The following PCDH15 variants were observed in gnomAD, a reference collection of about 807,000 sequenced individuals.
The protein encoded by PCDH15 is protocadherin-15.
PCDH15 carries 129 observed loss-of-function variants against 178.5 expected under a neutral mutation model. That is an observed-to-expected ratio of 0.72 (90% confidence interval 0.63 to 0.84). PCDH15 has a LOEUF of 0.84. Among genes scored for constraint, PCDH15 ranks in the 40% least tolerant of loss-of-function variants. The pLI, the probability that PCDH15 is intolerant of heterozygous loss-of-function variation, is 0.00. For synonymous variants in PCDH15, 800 were observed against 732.0 expected (o/e 1.09, Z -1.50); for missense variants, 2,230 against 2,099.9 (o/e 1.06, Z -1.21).
intron 2 of PCDH15, among the ~76,000 whole-genome samples, chr10:55,327,782 G>A (rs1456928782): frequency 6.6e-6 from 1 of 151,974 alleles, no homozygotes; most frequent in Non-Finnish European, 1.5e-5. Flanking sequence ...GGAAACTAAA[G>A]CCATGATATG....
At chr10:54,618,696 C>G (rs530984966) in intron 2 of PCDH15, among the ~76,000 whole-genome samples, 3 of 151,928 alleles carry the variant, frequency 2.0e-5, no homozygotes, top group Non-Finnish European at 4.4e-5. Context: ...ATGTGGGCAC[C>G]AGTGGAGCAA....
intron 2 of PCDH15, among the ~76,000 whole-genome samples, chr10:55,607,210 AC>A (rs1391845502): frequency 7.0e-6 from 1 of 143,810 alleles, no homozygotes; most frequent in Non-Finnish European, 1.5e-5. Context: ...ACCATCTCAC[AC>A]CAGTTAGAAT....
At chr10:54,722,787 T>A (rs933172749) in intron 1 of PCDH15, among the ~76,000 whole-genome samples, 4 of 151,598 alleles carry the variant, frequency 2.6e-5, no homozygotes, top group Admixed American at 6.6e-5. Context: ...TCAATCTCAT[T>A]TAAAATAGCT....
chr10:54,222,182 G>C (rs1044256044), intron 9 of PCDH15, among the ~76,000 whole-genome samples: 2 of 152,150 alleles, frequency 1.3e-5, no homozygotes, highest in African/African-American at 2.4e-5. Flanking sequence ...GAGTGGAATG[G>C]CTAGGCCATA....
rs115013828 is a variant in PCDH15 at position 54,066,459 on chromosome 10, A to G, written c.2220+298T>C. Reference sequence around the variant, plus strand: ...TGTCCACATCCATACCTAGTAGTATACCTAATTACATGTTTCTGTAAAATG... The same window carrying G: ...TGTCCACATCCATACCTAGTAGTATGCCTAATTACATGTTTCTGTAAAATG... On this transcript the variant is annotated intron_variant, in intron 18 of 37. Transcript: ENST00000644397. Among the ~76,000 whole-genome samples, 1,726 of 152,328 alleles carry G rather than the reference A, an allele frequency of 0.011. 39 individuals carry two copies. Among genetic ancestry groups the G allele is most frequent in the African/African-American group, 0.04 (1,642 of 41,554 alleles).
chr10:54,816,162 C>T (rs1461042722), intron 3 of PCDH15, among the ~76,000 whole-genome samples: 1 of 151,948 alleles, frequency 6.6e-6, no homozygotes, highest in African/African-American at 2.4e-5. Context: ...ATGTAATTCT[C>T]AACATTATAT....
In PCDH15 at chr10:54,416,552, A is replaced by T. The variant is rs192422649; in HGVS notation, c.158-37610T>A. On this transcript the variant is annotated intron_variant, in intron 3 of 37. Coordinates refer to ENST00000644397, the MANE Select transcript of PCDH15 (RefSeq NM_001384140.1). ...GATAGACATTTGGGTTTGTTCCATGACTTTGCTATTGTAAATAGTGCTGCA... is the reference window on the plus strand; with the variant it reads ...GATAGACATTTGGGTTTGTTCCATGTCTTTGCTATTGTAAATAGTGCTGCA... Among the ~76,000 whole-genome samples, 5 of 152,178 alleles carry T rather than the reference A, an allele frequency of 3.3e-5. No homozygotes were observed. The East Asian group carries it at 9.7e-4, about 29-fold the overall frequency.
chr10:54,953,059 C>A (rs975432687), intron 2 of PCDH15, among the ~76,000 whole-genome samples: 4 of 151,548 alleles, frequency 2.6e-5, no homozygotes, highest in Admixed American at 6.6e-5. Flanking sequence ...GATATTCTTA[C>A]CTTGCTCTTC....
intron 8 of PCDH15, among the ~76,000 whole-genome samples, chr10:54,312,521 G>A (rs533080921): frequency 6.6e-6 from 1 of 152,134 alleles, no homozygotes; most frequent in East Asian, 1.9e-4. Flanking sequence ...AAATTCCATA[G>A]CTAATTTATG....
At chr10:54,503,707 G>GA (rs2080924126) in intron 3 of PCDH15, among the ~76,000 whole-genome samples, 1 of 151,928 alleles carries the variant, frequency 6.6e-6, no homozygotes, top group South Asian at 2.1e-4. Context: ...ACTTGACATT[G>GA]AAAGTTAACC....
At chr10:54,030,957 G>C (rs2093274657) in intron 18 of PCDH15, among the ~76,000 whole-genome samples, 2 of 151,960 alleles carry the variant, frequency 1.3e-5, no homozygotes, top group Admixed American at 6.6e-5. Flanking sequence ...GAAGCTAAAG[G>C]AGCAGGCTTC....
At chr10:55,035,115 AT>A (rs1464437874) in intron 2 of PCDH15, among the ~76,000 whole-genome samples, 2 of 152,216 alleles carry the variant, frequency 1.3e-5, no homozygotes, top group Non-Finnish European at 2.9e-5. Flanking sequence ...AACATAGGGA[AT>A]CTTAATATAA....
At chr10:54,806,973 A>G (rs1348974802) in intron 3 of PCDH15, among the ~76,000 whole-genome samples, 2 of 152,200 alleles carry the variant, frequency 1.3e-5, no homozygotes, top group Admixed American at 1.3e-4. Flanking sequence ...TTGCAACGTA[A>G]TCGCAGGACT....
chr10:54,365,860 A>C (rs888542405), intron 5 of PCDH15, among the ~76,000 whole-genome samples: 2 of 152,166 alleles, frequency 1.3e-5, no homozygotes, highest in Admixed American at 6.6e-5. Context: ...TAGATAGAGG[A>C]ATTAATAATG....
chr10:55,402,935 C>T (rs1252969475), intron 2 of PCDH15, among the ~76,000 whole-genome samples: 1 of 151,902 alleles, frequency 6.6e-6, no homozygotes. Context: ...TTCACATTCC[C>T]CTCAACAGTA....
At chr10:54,519,959 G>C (rs957416865) in intron 3 of PCDH15, among the ~76,000 whole-genome samples, 1 of 152,128 alleles carries the variant, frequency 6.6e-6, no homozygotes, top group Non-Finnish European at 1.5e-5. Flanking sequence ...ACAAGTAATG[G>C]GGAAAGGATT....
intron 2 of PCDH15, among the ~76,000 whole-genome samples, chr10:54,999,719 A>C (rs4406735): frequency 0.73 from 111,376 of 152,054 alleles, 40,933 homozygotes; most frequent in East Asian, 0.87. Context: ...AAATTCAGCC[A>C]GATATCGGGC....
At chr10:54,002,089 A>G (rs759266107) in intron 20 of PCDH15, among the ~76,000 whole-genome samples, 108 of 148,520 alleles carry the variant, frequency 7.3e-4, no homozygotes, top group Admixed American at 4.9e-3. Flanking sequence ...ATATATGTAT[A>G]TATACATGTG....
At chr10:54,192,154 A>AAGAAAAAGAAAGAAAG (rs1554832302) in intron 11 of PCDH15, among the ~76,000 whole-genome samples, 158 of 132,660 alleles carry the variant, frequency 1.2e-3, no homozygotes, top group African/African-American at 3.5e-3. Flanking sequence ...GAAAGAAAGA[A>AAGAAAAAGAAAGAAAG]AAAGAAAGAA....
Sources: allele counts gnomAD v4.1 joint callset (sites outside exome capture counted in the v4.1 genomes callset), GRCh38; gene constraint gnomAD v4.1.1; transcripts MANE v1.5; gene names NCBI Gene and HGNC (gene_info 2026-07-23, HGNC 2026-07-21).